CCDC148: variants seen among roughly 807,000 people sequenced by gnomAD.
CCDC148 encodes coiled-coil domain-containing protein 148.
In CCDC148, 89 loss-of-function variants were observed where a neutral mutation model predicts 85.7. That is an observed-to-expected ratio of 1.04 (90% CI 0.87 to 1.24). The LOEUF is 1.24. CCDC148 is among the 50% of genes most tolerant of loss of function. CCDC148 has a pLI of 0.00. For missense variants in CCDC148, 692 were observed against 671.7 expected (o/e 1.03, Z -0.33); for synonymous variants, 230 against 213.9 (o/e 1.08, Z -0.66).
chr2:158,335,861 A>C (rs1404035244), intron 7 of CCDC148, among the ~76,000 whole-genome samples: 1 of 152,164 alleles, frequency 6.6e-6, no homozygotes. Context: ...ACTGACTGGT[A>C]CATACTCCCA....
At chr2:158,239,410 G>A (rs1688254361) in intron 10 of CCDC148, among the ~76,000 whole-genome samples, 1 of 150,380 alleles carries the variant, frequency 6.6e-6, no homozygotes. Flanking sequence ...TCTAGTGGAA[G>A]TTTTTATTTT....
chr2:158,306,832 AAAAAAAAAAACACT>A (rs1329849686), intron 9 of CCDC148, among the ~76,000 whole-genome samples: 2 of 39,282 alleles, frequency 5.1e-5, no homozygotes, highest in African/African-American at 2.7e-4. Context: ...TATAATAATA[AAAAAAAAAAACACT>A]AAAAAAAAAA....
At chr2:158,240,584 C>T (rs1282155797) in intron 10 of CCDC148, among the ~76,000 whole-genome samples, 1 of 151,744 alleles carries the variant, frequency 6.6e-6, no homozygotes, top group Non-Finnish European at 1.5e-5. Flanking sequence ...TGACCTGGGC[C>T]AGGATCAGCA....
chr2:158,355,955 G>A (rs1411305646), intron 2 of CCDC148, among the ~76,000 whole-genome samples: 2 of 134,376 alleles, frequency 1.5e-5, no homozygotes, highest in South Asian at 4.7e-4. Context: ...TCTTTGACAA[G>A]CCTGAGAAAA....
intron 1 of CCDC148, among the ~76,000 whole-genome samples, chr2:158,433,303 AAC>A (rs1491291674): frequency 1.7e-5 from 2 of 118,150 alleles, no homozygotes; most frequent in African/African-American, 2.8e-5. Flanking sequence ...ATAAAAGAAA[AAC>A]AATACAGTGG....
intron 9 of CCDC148, among the ~76,000 whole-genome samples, chr2:158,290,853 A>G (rs1008545006): frequency 2.0e-5 from 3 of 152,060 alleles, no homozygotes; most frequent in African/African-American, 7.2e-5. Flanking sequence ...TAATGAATCT[A>G]TCCATCCCAT....
chr2:158,274,771 T>C (rs1689849520), intron 9 of CCDC148, among the ~76,000 whole-genome samples: 1 of 152,212 alleles, frequency 6.6e-6, no homozygotes, highest in Non-Finnish European at 1.5e-5. Flanking sequence ...AAGTAGATTA[T>C]TCTGGTGGCT....
chr2:158,246,681 G>A (rs904722025), intron 10 of CCDC148, among the ~76,000 whole-genome samples: 1 of 152,112 alleles, frequency 6.6e-6, no homozygotes, highest in African/African-American at 2.4e-5. Context: ...CTTAAAAATA[G>A]CACAAAGTCA....
intron 3 of CCDC148, among the ~76,000 whole-genome samples, chr2:158,343,539 T>TA (rs1233660679): frequency 6.6e-6 from 1 of 152,230 alleles, no homozygotes; most frequent in Non-Finnish European, 1.5e-5. Context: ...TGGCACATAT[T>TA]AAATTACCTA....
chr2:158,387,563 T>G (rs1445639949), intron 1 of CCDC148, among the ~76,000 whole-genome samples: 1 of 152,136 alleles, frequency 6.6e-6, no homozygotes, highest in African/African-American at 2.4e-5. Context: ...AGTGCTCCCC[T>G]GCCTTCACTC....
At chr2:158,200,229 C>T (rs1227034437) in intron 11 of CCDC148, among the ~76,000 whole-genome samples, 1 of 152,082 alleles carries the variant, frequency 6.6e-6, no homozygotes, top group Non-Finnish European at 1.5e-5. Context: ...CCATTTTTTC[C>T]CATGATATTA....
intron 1 of CCDC148, among the ~76,000 whole-genome samples, chr2:158,433,744 G>T (rs563845978): frequency 2.0e-5 from 3 of 152,112 alleles, no homozygotes; most frequent in Non-Finnish European, 4.4e-5. Context: ...TGTGACAGAC[G>T]GTACCTGGAA....
intron 10 of CCDC148, among the ~76,000 whole-genome samples, chr2:158,234,838 A>G (rs929476530): frequency 7.2e-5 from 11 of 152,232 alleles, no homozygotes; most frequent in Admixed American, 6.5e-4. Flanking sequence ...AAAAGAGTGT[A>G]AAGACACTGT....
chr2:158,296,298 A>G (rs1260816027), intron 9 of CCDC148, among the ~76,000 whole-genome samples: 2 of 152,200 alleles, frequency 1.3e-5, no homozygotes, highest in Non-Finnish European at 2.9e-5. Flanking sequence ...TGGATATTCA[A>G]TGGTTCACAC....
intron 11 of CCDC148, among the ~76,000 whole-genome samples, chr2:158,193,914 G>C (rs1685541649): frequency 8.0e-6 from 1 of 125,232 alleles, no homozygotes. Context: ...GTGTCCCAAT[G>C]TAAATGATGA....
At chr2:158,228,837 A>G in intron 10 of CCDC148, among the ~76,000 whole-genome samples, 1 of 151,002 alleles carries the variant, frequency 6.6e-6, no homozygotes, top group Non-Finnish European at 1.5e-5. Context: ...GAGGGATAGT[A>G]TTTGGAGATA....
intron 11 of CCDC148, among the ~76,000 whole-genome samples, chr2:158,190,082 G>A (rs576748356): frequency 7.2e-5 from 11 of 151,874 alleles, no homozygotes; most frequent in Admixed American, 3.9e-4. Flanking sequence ...GTATGTCTTT[G>A]TAAGATATTT....
chr2:158,385,285 G>C (rs1297993720), intron 1 of CCDC148, among the ~76,000 whole-genome samples: 2 of 152,146 alleles, frequency 1.3e-5, no homozygotes, highest in African/African-American at 4.8e-5. Context: ...GCCATATAAT[G>C]TAACATAGTC....
At chr2:158,430,175 G>C (rs980755059) in intron 1 of CCDC148, among the ~76,000 whole-genome samples, 8 of 152,128 alleles carry the variant, frequency 5.3e-5, no homozygotes, top group Non-Finnish European at 1.2e-4. Context: ...CCTCTTACTA[G>C]TTAAGGTGGA....
Sources: gnomAD v4.1 joint callset for allele counts (sites outside exome capture counted in the v4.1 genomes callset) on GRCh38, gnomAD v4.1.1 for gene constraint, MANE v1.5 for transcripts, NCBI Gene and HGNC (gene_info 2026-07-23, HGNC 2026-07-21) for gene names.